Variants in DLGAP2 observed in about 807,000 individuals in gnomAD.
The protein encoded by DLGAP2 is DLG associated protein 2.
A neutral mutation model predicts 100.3 loss-of-function variants in DLGAP2; 26 were observed. That is an observed-to-expected ratio of 0.26 (90% CI 0.19 to 0.36). DLGAP2 has a LOEUF of 0.36. Ranked by LOEUF, DLGAP2 falls within the 10% of genes least tolerant of loss-of-function variation. DLGAP2 has a pLI of 1.00. For missense variants in DLGAP2, 1,858 were observed against 1,453.2 expected (o/e 1.28, Z -4.53); for synonymous variants, 886 against 630.1 (o/e 1.41, Z -6.08).
chr8:1,574,896 T>C (rs962786149), intron 6 of DLGAP2, among the ~76,000 whole-genome samples: 3 of 152,232 alleles, frequency 2.0e-5, no homozygotes, highest in Non-Finnish European at 2.9e-5. Flanking sequence ...AAATACCTAA[T>C]GAGTCTTGAA....
chr8:1,171,185 A>T (rs1320935486), intron 2 of DLGAP2, among the ~76,000 whole-genome samples: 1 of 151,908 alleles, frequency 6.6e-6, no homozygotes, highest in Non-Finnish European at 1.5e-5. Context: ...CATGTAGTTG[A>T]GCGGTTTTGA....
intron 3 of DLGAP2, among the ~76,000 whole-genome samples, chr8:1,484,712 T>C (rs1799194116): frequency 6.6e-6 from 1 of 152,262 alleles, no homozygotes; most frequent in Non-Finnish European, 1.5e-5. Flanking sequence ...TAAACTCTTA[T>C]GGGAGATCCA....
At chr8:765,581 C>T in intron 1 of DLGAP2, among the ~76,000 whole-genome samples, 1 of 152,112 alleles carries the variant, frequency 6.6e-6, no homozygotes, top group East Asian at 1.9e-4. Flanking sequence ...ATATTGAAAA[C>T]AGCACCCCAA....
chr8:1,023,070 A>G (rs1214505286), intron 2 of DLGAP2, among the ~76,000 whole-genome samples: 3 of 152,236 alleles, frequency 2.0e-5, no homozygotes, highest in African/African-American at 7.2e-5. Flanking sequence ...GCCGTGTGTG[A>G]TGCTGGCACC....
intron 2 of DLGAP2, among the ~76,000 whole-genome samples, chr8:1,224,597 T>C (rs1270111393): frequency 6.6e-6 from 1 of 152,154 alleles, no homozygotes; most frequent in Non-Finnish European, 1.5e-5. Flanking sequence ...ACAAAATTGT[T>C]AAGCCTTTTA....
chr8:1,288,386 G>A (rs1231009236), intron 3 of DLGAP2, among the ~76,000 whole-genome samples: 7 of 145,430 alleles, frequency 4.8e-5, no homozygotes, highest in South Asian at 4.5e-4. Flanking sequence ...GGTTCAGTGC[G>A]TGTGTGTGTG....
intron 3 of DLGAP2, among the ~76,000 whole-genome samples, chr8:1,434,548 C>G (rs1254090179): frequency 6.6e-6 from 1 of 152,114 alleles, no homozygotes; most frequent in Non-Finnish European, 1.5e-5. Flanking sequence ...ACAATCTTGG[C>G]TCACTGCAGG....
chr8:752,132 T>C (rs1023878709), intron 1 of DLGAP2, among the ~76,000 whole-genome samples: 2 of 152,232 alleles, frequency 1.3e-5, no homozygotes, highest in African/African-American at 4.8e-5. Flanking sequence ...GGTGCTGGGT[T>C]GCCTGCACCC....
intron 2 of DLGAP2, among the ~76,000 whole-genome samples, chr8:1,029,665 C>T (rs1217840345): frequency 6.6e-6 from 1 of 151,498 alleles, no homozygotes; most frequent in Non-Finnish European, 1.5e-5. Context: ...TGTTTTAATA[C>T]TGAGAAGAGT....
intron 3 of DLGAP2, among the ~76,000 whole-genome samples, chr8:1,333,039 C>G (rs1243483200): frequency 1.3e-5 from 2 of 152,188 alleles, no homozygotes; most frequent in African/African-American, 2.4e-5. Context: ...CCCTGTGACA[C>G]CGCCCGAGGT....
chr8:892,587 G>T (rs979722849), intron 1 of DLGAP2, among the ~76,000 whole-genome samples: 1 of 152,182 alleles, frequency 6.6e-6, no homozygotes, highest in African/African-American at 2.4e-5. Context: ...GAAAGCAAAT[G>T]TGTGGTTAAA....
chr8:1,592,860 A>T (rs765109059), intron 6 of DLGAP2, among the ~76,000 whole-genome samples: 7 of 152,146 alleles, frequency 4.6e-5, no homozygotes, highest in Non-Finnish European at 8.8e-5. Flanking sequence ...GCTGGCTGGG[A>T]TGTTACATGG....
At chr8:1,102,625 A>G (rs527834161) in intron 2 of DLGAP2, among the ~76,000 whole-genome samples, 2 of 152,170 alleles carry the variant, frequency 1.3e-5, no homozygotes, top group Non-Finnish European at 2.9e-5. Context: ...AGGAAATGTT[A>G]TCTCCCCACT....
intron 2 of DLGAP2, among the ~76,000 whole-genome samples, chr8:1,227,454 G>T (rs1426824477): frequency 6.6e-6 from 1 of 150,906 alleles, no homozygotes; most frequent in African/African-American, 2.4e-5. Context: ...CATGTGAGAT[G>T]AATCTCTTGC....
chr8:984,546 G>T (rs1800432671), intron 2 of DLGAP2, among the ~76,000 whole-genome samples: 1 of 152,158 alleles, frequency 6.6e-6, no homozygotes, highest in Admixed American at 6.5e-5. Flanking sequence ...GCCGTGCCTG[G>T]CATCTTCCCT....
At chr8:880,224 C>T (rs563279152) in intron 1 of DLGAP2, among the ~76,000 whole-genome samples, 1 of 152,322 alleles carries the variant, frequency 6.6e-6, no homozygotes, top group East Asian at 1.9e-4. Context: ...TCCTCCGTCC[C>T]TCTTTTTGAC....
At chr8:1,480,873 AAAG>A (rs778139341) in intron 3 of DLGAP2, among the ~76,000 whole-genome samples, 10 of 150,202 alleles carry the variant, frequency 6.7e-5, no homozygotes, top group Non-Finnish European at 1.2e-4. Context: ...TATAAAAAAA[AAAG>A]AAAAGAAAAG....
intron 6 of DLGAP2, among the ~76,000 whole-genome samples, chr8:1,596,646 T>C (rs773573524): frequency 5.3e-5 from 8 of 152,236 alleles, no homozygotes; most frequent in Non-Finnish European, 8.8e-5. Flanking sequence ...TTTTTTCATA[T>C]GTTTGTTGGC....
intron 2 of DLGAP2, among the ~76,000 whole-genome samples, chr8:1,161,934 C>A (rs1365217650): frequency 6.6e-6 from 1 of 152,232 alleles, no homozygotes; most frequent in Non-Finnish European, 1.5e-5. Context: ...GAGAGGAGAT[C>A]CGTGTGCCAA....
Sources: gnomAD v4.1 joint callset for allele counts (sites outside exome capture counted in the v4.1 genomes callset) on GRCh38, gnomAD v4.1.1 for gene constraint, MANE v1.5 for transcripts, NCBI Gene and HGNC (gene_info 2026-07-23, HGNC 2026-07-21) for gene names.